GRIK4: variants seen among roughly 807,000 people sequenced by gnomAD.
GRIK4 encodes glutamate receptor ionotropic, kainate 4.
In GRIK4, 40 loss-of-function variants were observed where a neutral mutation model predicts 104.9. That is an observed-to-expected ratio of 0.38 (90% CI 0.30 to 0.50). The LOEUF (loss-of-function observed/expected upper bound fraction) is 0.50, where lower values mean the gene tolerates loss of function less well. Ranked by LOEUF, GRIK4 falls within the 20% of genes least tolerant of loss-of-function variation. The pLI is 0.93. For synonymous variants in GRIK4, 485 were observed against 524.9 expected, an observed-to-expected ratio of 0.92 and a Z score of 1.04; for missense variants, 1,047 against 1,308.1, an observed-to-expected ratio of 0.80 and a Z score of 3.08.
intron 1 of GRIK4, among the ~76,000 whole-genome samples, chr11:120,530,745 G>A (rs1947915044): frequency 6.6e-6 from 1 of 152,060 alleles, no homozygotes; most frequent in African/African-American, 2.4e-5. Flanking sequence ...AAAACCAAGG[G>A]GCCTGCTACA....
chr11:120,540,239 C>T (rs999226429), intron 1 of GRIK4, among the ~76,000 whole-genome samples: 1 of 152,124 alleles, frequency 6.6e-6, no homozygotes. Flanking sequence ...AACCACAGAG[C>T]GCAGGGTCTG....
At chr11:120,640,253 A>G (rs1332702281) in intron 1 of GRIK4, among the ~76,000 whole-genome samples, 1 of 152,154 alleles carries the variant, frequency 6.6e-6, no homozygotes, top group Non-Finnish European at 1.5e-5. Flanking sequence ...AACAGGGGTC[A>G]TTTTTTCCCA....
chr11:120,783,366 T>C (rs996066674), intron 3 of GRIK4, among the ~76,000 whole-genome samples: 1 of 152,128 alleles, frequency 6.6e-6, no homozygotes, highest in Non-Finnish European at 1.5e-5. Flanking sequence ...TAATCCTGTA[T>C]TTCTGTTCTC....
At chr11:120,597,695 C>T (rs556234131) in intron 1 of GRIK4, among the ~76,000 whole-genome samples, 1 of 151,372 alleles carries the variant, frequency 6.6e-6, no homozygotes, top group East Asian at 1.9e-4. Context: ...TTCAGTGCAG[C>T]CCCCCGCTTT....
intron 14 of GRIK4, among the ~76,000 whole-genome samples, chr11:120,949,593 T>C (rs185270921): frequency 6.6e-5 from 10 of 152,272 alleles, no homozygotes; most frequent in South Asian, 6.2e-4. Context: ...AAATAAATAA[T>C]GTTTAAGAGT....
At chr11:120,862,550 C>A (rs145974054) in intron 9 of GRIK4, among the ~76,000 whole-genome samples, 1 of 152,086 alleles carries the variant, frequency 6.6e-6, no homozygotes, top group East Asian at 1.9e-4. Flanking sequence ...GGGCAAACAT[C>A]GAGGCTGTTG....
chr11:120,960,021 CCT>C (rs1169861104), intron 16 of GRIK4, among the ~76,000 whole-genome samples: 1 of 151,934 alleles, frequency 6.6e-6, no homozygotes, highest in Admixed American at 6.6e-5. Context: ...AGAGCAAGAC[CCT>C]GTCTCCAAAA....
chr11:120,640,022 C>G (rs548543861), intron 1 of GRIK4, among the ~76,000 whole-genome samples: 13 of 152,306 alleles, frequency 8.5e-5, no homozygotes, highest in Admixed American at 6.5e-4. Flanking sequence ...TCATCCTCCT[C>G]CCATCCCTCT....
At position 120,903,731 on chromosome 11, in the gene GRIK4, C is replaced by T. The variant is rs891389120; in HGVS notation, c.1273-1559C>T. Among the ~76,000 whole-genome samples the T allele has an allele frequency of 2.6e-5, 4 of 152,180 alleles. No homozygotes were observed. Among genetic ancestry groups the T allele is most frequent in the East Asian group, 1.9e-4 (1 of 5,186 alleles). On this transcript the variant is annotated intron_variant, in intron 12 of 20. Coordinates refer to ENST00000527524, the MANE Select transcript of GRIK4 (RefSeq NM_014619.5). The surrounding 1 kb of genome is among the most constrained non-coding windows in gnomAD (Gnocchi z 4.4). ...GTGGGGAAGGAGCTTGGAGGAGAGG[C>T]GATCTGCCCTCTCTGTGCCTGCCGC... is the stretch of plus-strand genomic sequence containing the variant.
chr11:120,863,430 G>A (rs10892631), intron 9 of GRIK4, among the ~76,000 whole-genome samples: 45,436 of 152,190 alleles, frequency 0.3, 7,295 homozygotes, highest in Admixed American at 0.42. Context: ...AGCACACACT[G>A]TGATGGTCAC....
intron 3 of GRIK4, among the ~76,000 whole-genome samples, chr11:120,671,978 A>G (rs7934734): frequency 0.59 from 89,068 of 151,940 alleles, 27,378 homozygotes; most frequent in African/African-American, 0.77. Context: ...TGTTCTATTG[A>G]TCTGTATATC....
chr11:120,670,406 C>A (rs1271417642), intron 3 of GRIK4, among the ~76,000 whole-genome samples: 1 of 152,222 alleles, frequency 6.6e-6, no homozygotes, highest in African/African-American at 2.4e-5. Context: ...GCCCACAGGG[C>A]GGTCCATGAA....
intron 1 of GRIK4, among the ~76,000 whole-genome samples, chr11:120,648,309 A>G (rs1314433200): frequency 6.6e-6 from 1 of 152,182 alleles, no homozygotes; most frequent in East Asian, 1.9e-4. Context: ...AAACTGTGTC[A>G]AATGCAGATG....
chr11:120,645,184 C>G lies in GRIK4; in HGVS notation c.-158-8501C>G, dbSNP rs140333590. Among the ~76,000 whole-genome samples, 49 of 152,186 alleles carry G rather than the reference C, an allele frequency of 3.2e-4. No homozygotes were observed. In the East Asian group the frequency reaches 7.7e-3, roughly 24 times the overall value. On this transcript the variant is annotated intron_variant, in intron 1 of 20. Transcript: ENST00000527524. ...ATGGTGGTTGTGTGTGTCTGTCCTTCAAGAGCAGCGTGAAGATCTGTTTCT... is the reference window on the plus strand; with the variant it reads ...ATGGTGGTTGTGTGTGTCTGTCCTTGAAGAGCAGCGTGAAGATCTGTTTCT...
chr11:120,906,314 A>T (rs1942865678), intron 13 of GRIK4, among the ~76,000 whole-genome samples: 2 of 152,364 alleles, frequency 1.3e-5, no homozygotes, highest in Non-Finnish European at 2.9e-5. Flanking sequence ...TGGGTTCTTG[A>T]TGTGCCCTTG....
intron 13 of GRIK4, among the ~76,000 whole-genome samples, chr11:120,930,002 T>TA (rs369346546): frequency 0.46 from 68,513 of 150,326 alleles, 17,120 homozygotes; most frequent in South Asian, 0.63. Flanking sequence ...AGGCCACGTT[T>TA]GGGGGGGGGG....
Position 120,903,147 on chromosome 11 carries a change from G to A in GRIK4, c.1273-2143G>A, listed in dbSNP as rs956356444. On this transcript the variant is annotated intron_variant, in intron 12 of 20. Transcript: ENST00000527524. This position sits in a 1 kb window ranked among gnomAD's most constrained non-coding sequence, Gnocchi z 4.4. ...CTCTCTGGGCTCCTAGAATCGTGAT[G>A]TGCAGGTTTCTCCATGCACACCTGT... Among the ~76,000 whole-genome samples, 2 of 151,978 alleles carry A rather than the reference G, an allele frequency of 1.3e-5. No individual in the cohort carries two copies. The highest frequency in any genetic ancestry group is 2.4e-5 in the African/African-American group (1 of 41,348).
Position 120,981,566 on chromosome 11 carries a change from A to C in GRIK4, c.2396-540A>C, listed in dbSNP as rs78721428. Among the ~76,000 whole-genome samples the C allele has an allele frequency of 5.3e-3, 809 of 152,342 alleles. 8 individuals carry two copies. The highest frequency in any genetic ancestry group is 0.018 in the African/African-American group (768 of 41,576). On this transcript the variant is annotated intron_variant, in intron 19 of 20. Coordinates refer to ENST00000527524, the MANE Select transcript of GRIK4 (RefSeq NM_014619.5). ...CAGTTCTGATGGCAGCTGGTTTGTGAACCACTCGTTTGGTGGGATAAAAAG... is the reference window on the plus strand; with the variant it reads ...CAGTTCTGATGGCAGCTGGTTTGTGCACCACTCGTTTGGTGGGATAAAAAG...
intron 15 of GRIK4, among the ~76,000 whole-genome samples, chr11:120,955,810 CTT>C (rs11451797): frequency 2.7e-5 from 4 of 146,888 alleles, no homozygotes; most frequent in East Asian, 2.0e-4. Flanking sequence ...CAGCAGCATT[CTT>C]TTTTTTTTTT....
Sources: gnomAD v4.1 joint callset for allele counts (sites outside exome capture counted in the v4.1 genomes callset) on GRCh38, gnomAD v4.1.1 for gene constraint, Gnocchi (gnomAD v3.1) non-coding constraint, MANE v1.5 for transcripts, NCBI Gene and HGNC (gene_info 2026-07-23, HGNC 2026-07-21) for gene names.